STARD13: variants seen among roughly 807,000 people sequenced by gnomAD.
STARD13 encodes stAR-related lipid transfer protein 13.
Under a neutral mutation model 106.4 loss-of-function variants are expected in STARD13, and 62 were observed. The observed-to-expected ratio is 0.58, with a 90% CI of 0.48 to 0.72. The LOEUF is 0.72. Among genes scored for constraint, STARD13 ranks in the 30% least tolerant of loss-of-function variants. The pLI is 0.00. For missense variants in STARD13, 1,387 were observed against 1,424.0 expected (o/e 0.97, Z 0.42); for synonymous variants, 565 against 553.0 (o/e 1.02, Z -0.31).
chr13:33,535,752 T>C, the STARD13 span, among the ~76,000 whole-genome samples: 4 of 152,208 alleles, frequency 2.6e-5, no homozygotes, highest in South Asian at 2.1e-4. Context: ...AATGTGACTA[T>C]TGGTGTTTTG....
At chr13:33,213,859 A>G in intron 1 of STARD13, among the ~76,000 whole-genome samples, 1 of 152,220 alleles carries the variant, frequency 6.6e-6, no homozygotes, top group East Asian at 1.9e-4. Flanking sequence ...AAATCCAGAA[A>G]TCCTTGGTAT....
chr13:33,332,909 G>A (rs1362101238), intron 1 of STARD13, among the ~76,000 whole-genome samples: 1 of 152,170 alleles, frequency 6.6e-6, no homozygotes, highest in East Asian at 1.9e-4. Flanking sequence ...AGAAATATTT[G>A]TTGAATAAAT....
chr13:33,563,789 C>A, the STARD13 span, among the ~76,000 whole-genome samples: 2 of 147,380 alleles, frequency 1.4e-5, no homozygotes, highest in Admixed American at 1.4e-4. Flanking sequence ...AAGAGACAAC[C>A]TACAGAATGA....
chr13:33,586,274 C>T, the STARD13 span, among the ~76,000 whole-genome samples: 1 of 152,068 alleles, frequency 6.6e-6, no homozygotes, highest in African/African-American at 2.4e-5. Flanking sequence ...AAACAAGAAC[C>T]TCATGATCCT....
At chr13:33,425,819 T>C in the STARD13 span, among the ~76,000 whole-genome samples, 1 of 152,218 alleles carries the variant, frequency 6.6e-6, no homozygotes. Flanking sequence ...TTTGTGAAGA[T>C]CTGTTCACCA....
chr13:33,381,236 C>G, the STARD13 span, among the ~76,000 whole-genome samples: 8 of 152,100 alleles, frequency 5.3e-5, no homozygotes, highest in African/African-American at 1.4e-4. Flanking sequence ...GTAAGAAAAT[C>G]TATTTGCTTA....
chr13:33,165,198 T>C, intron 3 of STARD13, 139 bp downstream of exon 3: 1 of 713,812 alleles, frequency 1.4e-6, no homozygotes. Context: ...CAGTAGTACA[T>C]TTAGAACCTG....
At chr13:33,327,793 A>G (rs903826766) in intron 1 of STARD13, among the ~76,000 whole-genome samples, 2 of 152,236 alleles carry the variant, frequency 1.3e-5, no homozygotes, top group African/African-American at 2.4e-5. Flanking sequence ...ATGCACTTTG[A>G]AAATGGATTT....
the STARD13 span, among the ~76,000 whole-genome samples, chr13:33,636,945 T>G: frequency 2.6e-5 from 4 of 152,136 alleles, no homozygotes; most frequent in African/African-American, 9.7e-5. Flanking sequence ...ATGTCAGTGG[T>G]GTTATCTTTT....
chr13:33,594,475 G>T, the STARD13 span, among the ~76,000 whole-genome samples: 1 of 151,868 alleles, frequency 6.6e-6, no homozygotes, highest in South Asian at 2.1e-4. Flanking sequence ...AAAATATTTG[G>T]GTTACTTTTT....
At chr13:33,642,127 T>G in the STARD13 span, among the ~76,000 whole-genome samples, 1 of 152,154 alleles carries the variant, frequency 6.6e-6, no homozygotes, top group African/African-American at 2.4e-5. Flanking sequence ...AAGAGGGTAG[T>G]TGGATGAATG....
At chr13:33,584,717 A>G in the STARD13 span, among the ~76,000 whole-genome samples, 1 of 151,944 alleles carries the variant, frequency 6.6e-6, no homozygotes, top group Non-Finnish European at 1.5e-5. Context: ...GTACCTTAAG[A>G]CTGTCCCTGT....
chr13:33,234,979 T>G (rs1889114379), intron 1 of STARD13, among the ~76,000 whole-genome samples: 1 of 152,214 alleles, frequency 6.6e-6, no homozygotes, highest in Non-Finnish European at 1.5e-5. Flanking sequence ...AAGGATCTTA[T>G]GTATTATCAC....
chr13:33,455,862 T>C, the STARD13 span, among the ~76,000 whole-genome samples: 1 of 152,106 alleles, frequency 6.6e-6, no homozygotes, highest in Non-Finnish European at 1.5e-5. Context: ...GGGAATCACT[T>C]GAACCTGGGA....
At chr13:33,563,602 A>C in the STARD13 span, among the ~76,000 whole-genome samples, 2,691 of 147,444 alleles carry the variant, frequency 0.018, 371 homozygotes, top group African/African-American at 0.065. Context: ...ACTCAAATAT[A>C]AGCCTGATGC....
the STARD13 span, among the ~76,000 whole-genome samples, chr13:33,626,357 T>C: frequency 6.6e-6 from 1 of 152,230 alleles, no homozygotes; most frequent in Non-Finnish European, 1.5e-5. Flanking sequence ...ATTTCTACCT[T>C]ATCTTTAGCT....
chr13:33,330,266 T>C (rs1217824761), intron 1 of STARD13, among the ~76,000 whole-genome samples: 1 of 152,244 alleles, frequency 6.6e-6, no homozygotes, highest in Non-Finnish European at 1.5e-5. Flanking sequence ...CTATCTTTTA[T>C]CTTTTTTACA....
At chr13:33,307,645 G>C (rs185695687) in intron 1 of STARD13, among the ~76,000 whole-genome samples, 1 of 152,084 alleles carries the variant, frequency 6.6e-6, no homozygotes, top group Admixed American at 6.5e-5. Flanking sequence ...ACAACACACC[G>C]GGGCCTGTCA....
At chr13:33,408,727 T>C in the STARD13 span, among the ~76,000 whole-genome samples, 3 of 152,114 alleles carry the variant, frequency 2.0e-5, no homozygotes, top group Non-Finnish European at 4.4e-5. Flanking sequence ...TTGGCTGATG[T>C]CATCCCAATC....
Sources: allele counts gnomAD v4.1 joint callset (sites outside exome capture counted in the v4.1 genomes callset), GRCh38; gene constraint gnomAD v4.1.1; transcripts MANE v1.5; gene names NCBI Gene and HGNC (gene_info 2026-07-23, HGNC 2026-07-21).